Variants in PGBD2 observed in about 807,000 individuals in gnomAD.
The protein encoded by PGBD2 is piggyBac transposable element-derived protein 2.
A neutral mutation model predicts 8.1 loss-of-function variants in PGBD2; 6 were observed. The observed-to-expected ratio is 0.74, with a 90% CI of 0.40 to 1.46. PGBD2 has a LOEUF of 1.46. Ranked by LOEUF, PGBD2 falls within the 40% of genes most tolerant of loss-of-function variation. The pLI is 0.02. For synonymous variants in PGBD2, 318 were observed against 272.2 expected, an observed-to-expected ratio of 1.17 and a Z score of -1.66; for missense variants, 802 against 739.0, an observed-to-expected ratio of 1.09 and a Z score of -0.99.
At chr1:248,906,583 G>A (rs1368822946) in intron 1 of PGBD2, 1 of 146,720 alleles carries the variant, frequency 6.8e-6, no homozygotes, top group Non-Finnish European at 1.5e-5. Context: ...GAGGCGGAGC[G>A]GGGTGGGTGG....
the PGBD2 span, among the ~76,000 whole-genome samples, chr1:248,876,735 A>G: frequency 1.3e-5 from 2 of 152,224 alleles, no homozygotes; most frequent in Admixed American, 6.5e-5. Flanking sequence ...GTTTCCCACC[A>G]GTCAATTGAT....
At chr1:248,876,136 G>A in the PGBD2 span, among the ~76,000 whole-genome samples, 2 of 151,872 alleles carry the variant, frequency 1.3e-5, no homozygotes, top group Non-Finnish European at 2.9e-5. Flanking sequence ...AGCCTCCCGA[G>A]TAGCTGGGAT....
At chr1:248,886,693 TG>T in the PGBD2 span, among the ~76,000 whole-genome samples, 1 of 152,234 alleles carries the variant, frequency 6.6e-6, no homozygotes, top group South Asian at 2.1e-4. Flanking sequence ...ACTTTGTGAA[TG>T]CATGCTCCAG....
At chr1:248,924,837 G>C (rs900745281), downstream of PGBD2, among the ~76,000 whole-genome samples, 1 of 152,018 alleles carries the variant, frequency 6.6e-6, no homozygotes, top group Non-Finnish European at 1.5e-5. Context: ...TTGGCTCTGG[G>C]AGGGCAGGGT....
chr1:248,899,325 T>G, the PGBD2 span, among the ~76,000 whole-genome samples: 3 of 152,142 alleles, frequency 2.0e-5, no homozygotes, highest in African/African-American at 7.2e-5. Flanking sequence ...CACAAAGAAC[T>G]TACTATAGTT....
upstream of PGBD2, among the ~76,000 whole-genome samples, chr1:248,902,315 G>C (rs566559816): frequency 1.3e-5 from 2 of 150,650 alleles, no homozygotes; most frequent in East Asian, 3.9e-4. Flanking sequence ...ATGCCAGTCA[G>C]AATGTCAGTT....
the PGBD2 span, among the ~76,000 whole-genome samples, chr1:248,873,297 C>G: frequency 3.9e-5 from 6 of 152,230 alleles, no homozygotes; most frequent in African/African-American, 1.4e-4. Flanking sequence ...AGGCGAGGCC[C>G]GCATCAGGCC....
the PGBD2 span, among the ~76,000 whole-genome samples, chr1:248,892,617 G>A: frequency 6.6e-6 from 1 of 152,134 alleles, no homozygotes; most frequent in African/African-American, 2.4e-5. Context: ...TTCTCCTTTG[G>A]CATAATATAT....
intron 2 of PGBD2, among the ~76,000 whole-genome samples, chr1:248,915,196 G>A (rs1662049476): frequency 6.6e-6 from 1 of 152,240 alleles, no homozygotes; most frequent in Non-Finnish European, 1.5e-5. Flanking sequence ...TAGAACTAAA[G>A]TGCTGTGCAG....
chr1:248,911,275 T>C (rs1402140934), intron 1 of PGBD2, among the ~76,000 whole-genome samples: 1 of 151,462 alleles, frequency 6.6e-6, no homozygotes, highest in Non-Finnish European at 1.5e-5. Flanking sequence ...CCTTCTGCAG[T>C]GTTTGTGTCC....
chr1:248,913,674 C>A lies in PGBD2; in HGVS notation c.-47-142C>A, dbSNP rs1661990139. On this transcript the variant is annotated intron_variant, in intron 1 of 2. Coordinates refer to ENST00000329291, the MANE Select transcript of PGBD2 (RefSeq NM_170725.3). ...GATGAAGGAGTTTGTTCTTTTCCCT[C>A]TGAATAACCAGTCGACCCAGACACT... is the stretch of plus-strand genomic sequence containing the variant. 3 of 610,864 alleles carry A rather than the reference C, an allele frequency of 4.9e-6. No individual in the cohort carries two copies. The South Asian group carries it at 6.0e-5, about 12-fold the overall frequency. The allele number at this position is 610,864 out of a possible 1,614,324, so 37.8% of individuals were successfully genotyped here. A position where few individuals can be genotyped will look rare whatever the true frequency, so the allele number is the denominator to read the frequency against.
At chr1:248,879,586 A>T in the PGBD2 span, among the ~76,000 whole-genome samples, 1 of 151,928 alleles carries the variant, frequency 6.6e-6, no homozygotes, top group Non-Finnish European at 1.5e-5. Context: ...TTTTGTAGAG[A>T]CAGGGGTCTT....
intron 2 of PGBD2, among the ~76,000 whole-genome samples, chr1:248,914,086 G>C (rs912040090): frequency 2.6e-5 from 4 of 152,166 alleles, no homozygotes. Context: ...TGGTTATGTA[G>C]CACTAATGTT....
At chr1:248,879,929 A>G in the PGBD2 span, among the ~76,000 whole-genome samples, 5 of 152,172 alleles carry the variant, frequency 3.3e-5, no homozygotes, top group Admixed American at 1.3e-4. Flanking sequence ...GAGTGTCCAA[A>G]TGCTCTAACA....
At chr1:248,873,173 C>G in the PGBD2 span, among the ~76,000 whole-genome samples, 2 of 151,736 alleles carry the variant, frequency 1.3e-5, no homozygotes, top group Non-Finnish European at 2.9e-5. Flanking sequence ...AACCTCACAG[C>G]CCACCGGGAG....
chr1:248,873,536 C>A, the PGBD2 span, among the ~76,000 whole-genome samples: 1 of 152,262 alleles, frequency 6.6e-6, no homozygotes, highest in African/African-American at 2.4e-5. Flanking sequence ...AGAGTTTCCC[C>A]AGCTTGGGCC....
chr1:248,902,834 G>A (rs1233433009), upstream of PGBD2, among the ~76,000 whole-genome samples: 2 of 152,022 alleles, frequency 1.3e-5, no homozygotes, highest in South Asian at 2.1e-4. Context: ...GTGGGGTGGC[G>A]GGGAACAACA....
the PGBD2 span, among the ~76,000 whole-genome samples, chr1:248,874,291 C>G: frequency 2.6e-4 from 39 of 152,286 alleles, no homozygotes; most frequent in South Asian, 3.3e-3. Flanking sequence ...CTCACCGCCG[C>G]GGCCCGGGTT....
At chr1:248,920,998 T>C (rs1662275503), downstream of PGBD2, among the ~76,000 whole-genome samples, 1 of 151,268 alleles carries the variant, frequency 6.6e-6, no homozygotes, top group South Asian at 2.1e-4. Context: ...TTTTTTTTTT[T>C]CTTGTAAATT....
Sources: gnomAD v4.1 joint callset for allele counts (sites outside exome capture counted in the v4.1 genomes callset) on GRCh38, gnomAD v4.1.1 for gene constraint, MANE v1.5 for transcripts, NCBI Gene and HGNC (gene_info 2026-07-23, HGNC 2026-07-21) for gene names.